ZFAT: variants seen among roughly 807,000 people sequenced by gnomAD.
ZFAT encodes zinc finger and AT-hook domain containing.
ZFAT carries 64 observed loss-of-function variants against 117.7 expected under a neutral mutation model. The ratio of observed to expected loss-of-function variants is 0.54; its 90% CI spans 0.44 to 0.67. ZFAT has a LOEUF of 0.67. Ranked by LOEUF, ZFAT falls within the 30% of genes least tolerant of loss-of-function variation. The pLI, the probability that ZFAT is intolerant of heterozygous loss-of-function variation, is 0.00. For synonymous variants in ZFAT, 679 were observed against 615.0 expected, an observed-to-expected ratio of 1.10 and a Z score of -1.54; for missense variants, 1,433 against 1,584.5, an observed-to-expected ratio of 0.90 and a Z score of 1.62.
chr8:134,553,623 T>A lies in ZFAT; in HGVS notation c.2976+11710A>T, dbSNP rs761089618. On this transcript the variant is annotated intron_variant, in intron 11 of 15. Coordinates refer to ENST00000377838, the MANE Select transcript of ZFAT (RefSeq NM_020863.4). ...CAGGCACCAAGAATCTTAAACAAAG[T>A]CATGAAAGAAAGGAAGATTGTAGAG... Among the ~76,000 whole-genome samples, 49 of 151,862 alleles carry A rather than the reference T, an allele frequency of 3.2e-4. 1 individual carries two copies. The highest frequency in any genetic ancestry group is 2.7e-3 in the South Asian group (13 of 4,760).
chr8:134,813,801 TACACACACAC>T, the ZFAT span, among the ~76,000 whole-genome samples: 1,204 of 147,104 alleles, frequency 8.2e-3, 13 homozygotes, highest in African/African-American at 0.026. Flanking sequence ...TTTGATTTTA[TACACACACAC>T]ACACACACAC....
At chr8:134,786,229 C>T in the ZFAT span, among the ~76,000 whole-genome samples, 2 of 152,098 alleles carry the variant, frequency 1.3e-5, no homozygotes, top group African/African-American at 4.8e-5. Flanking sequence ...GTCTTTATGC[C>T]TATTATTTAT....
the ZFAT span, among the ~76,000 whole-genome samples, chr8:134,823,816 C>A: frequency 6.6e-6 from 1 of 152,166 alleles, no homozygotes; most frequent in Non-Finnish European, 1.5e-5. Flanking sequence ...CCATTAGAAT[C>A]TAATATAATT....
intron 11 of ZFAT, among the ~76,000 whole-genome samples, chr8:134,549,769 C>T (rs1474825150): frequency 1.3e-5 from 2 of 152,172 alleles, no homozygotes. Flanking sequence ...GATTGTGAAC[C>T]ACATGTACAC....
chr8:134,754,464 G>T, the ZFAT span, among the ~76,000 whole-genome samples: 3 of 152,216 alleles, frequency 2.0e-5, no homozygotes, highest in African/African-American at 7.2e-5. Context: ...TACAGCATGG[G>T]AATATAAACA....
the ZFAT span, among the ~76,000 whole-genome samples, chr8:134,764,129 T>C: frequency 1.3e-5 from 2 of 152,326 alleles, no homozygotes; most frequent in Admixed American, 1.3e-4. Context: ...TTGTCTGCCT[T>C]GGGGCAAAGA....
chr8:134,716,169 GCACA>G (rs535979165), upstream of ZFAT, among the ~76,000 whole-genome samples: 1 of 134,608 alleles, frequency 7.4e-6, no homozygotes, highest in African/African-American at 2.6e-5. Context: ...ATGTATATAT[GCACA>G]CACACACACA....
intron 11 of ZFAT, among the ~76,000 whole-genome samples, chr8:134,555,495 C>T (rs2130721921): frequency 6.6e-6 from 1 of 152,322 alleles, no homozygotes; most frequent in South Asian, 2.1e-4. Context: ...GCCAAGCCTG[C>T]TATATTAACT....
Position 134,610,595 on chromosome 8 carries a change from G to A in ZFAT, c.509C>T (p.Ser170Leu), listed in dbSNP as rs369995696. ...KCKEDDREKA[S>L]KRPRSQKTEK... ...TGTTTTCTGTGACCGTGGTCTTTTCGAGGCTTTTTCCCGATCATCTTCCTT... is the reference window on the plus strand; with the variant it reads ...TGTTTTCTGTGACCGTGGTCTTTTCAAGGCTTTTTCCCGATCATCTTCCTT... The change falls in exon 4 of 16, where the codon TCG becomes TTG. Residue 170 changes from serine to leucine, a missense_variant. Around this residue, in one of 5 missense-constraint regions of ZFAT, gnomAD observed 436 missense variants for 482.0 expected, o/e 0.90. Transcript: ENST00000377838. The A allele has an allele frequency of 1.7e-5, 28 of 1,614,070 alleles. No individual in the cohort carries two copies. Among genetic ancestry groups the A allele is most frequent in the Admixed American group, 6.7e-5 (4 of 59,998 alleles).
rs1015637762 is a variant in ZFAT, at chr8:134,592,413, T to C, written c.2476-2058A>G. Among the ~76,000 whole-genome samples, 15 of 152,224 alleles carry C rather than the reference T, an allele frequency of 9.9e-5. 2 individuals are homozygous for C. The highest frequency in any genetic ancestry group is 6.5e-4 in the Admixed American group (10 of 15,282). ...CAGAGCTCTTGCTCTTATGAGACCC[T>C]GACTAGCAGAACAGGTTCAGGGCTC... On this transcript the variant is annotated intron_variant, in intron 7 of 15. Transcript: ENST00000377838.
In ZFAT at chr8:134,602,278, G is replaced by T; in HGVS notation, c.1441C>A (p.His481Asn). The change falls in exon 6 of 16, where the codon CAC (histidine) becomes AAC (asparagine). Residue 481 changes from histidine to asparagine, a missense_variant. Around this residue, in one of 5 missense-constraint regions of ZFAT, gnomAD observed 372 missense variants for 355.6 expected, o/e 1.05. Transcript: ENST00000377838. The part of the protein sequence containing the change: ...IRLRTHIKEV[H>N]GAAQEALVFT... The stretch of plus-strand genomic sequence containing the variant: ...ACCAAGGCCTCCTGGGCAGCCCCGT[G>T]CACCTCTTTGATGTGGGTGCGCAGC... 1 of 1,613,900 alleles carries T rather than the reference G, an allele frequency of 6.2e-7. No individual in the cohort carries two copies. The highest frequency in any genetic ancestry group is 1.1e-5 in the South Asian group (1 of 91,088).
At chr8:134,680,962 T>A (rs1012887751) in intron 1 of ZFAT, among the ~76,000 whole-genome samples, 17 of 152,160 alleles carry the variant, frequency 1.1e-4, no homozygotes, top group Non-Finnish European at 2.5e-4. Context: ...AATACACATT[T>A]AAAAAAATAA....
At chr8:134,638,608 A>C (rs1324915943) in intron 2 of ZFAT, among the ~76,000 whole-genome samples, 9 of 150,402 alleles carry the variant, frequency 6.0e-5, no homozygotes, top group Admixed American at 6.6e-5. Flanking sequence ...GGGCACCTGT[A>C]GTCCCAGCTA....
At position 134,591,072 on chromosome 8, in the gene ZFAT, C is replaced by A. The variant is rs950896464; in HGVS notation, c.2476-717G>T. Among the ~76,000 whole-genome samples, 5 of 152,096 alleles carry A rather than the reference C, an allele frequency of 3.3e-5. No homozygotes were observed. In the South Asian group the frequency reaches 6.2e-4, roughly 19 times the overall value. ...CAGGTGGTACTCAACCTCAAGGCTG[C>A]GGGTCTACCACACACACCAGTGCTA... On this transcript the variant is annotated intron_variant, in intron 7 of 15. Coordinates refer to ENST00000377838, the MANE Select transcript of ZFAT (RefSeq NM_020863.4).
chr8:134,731,153 G>C, the ZFAT span, among the ~76,000 whole-genome samples: 2 of 152,174 alleles, frequency 1.3e-5, no homozygotes, highest in African/African-American at 4.8e-5. Flanking sequence ...ATGTGGGAGA[G>C]GTAATGGTGC....
chr8:134,720,775 A>C, the ZFAT span, among the ~76,000 whole-genome samples: 1 of 152,240 alleles, frequency 6.6e-6, no homozygotes, highest in Non-Finnish European at 1.5e-5. Context: ...CATACACTGT[A>C]GAGTTCAGAG....
At chr8:134,563,940 T>G (rs1322392299) in intron 11 of ZFAT, among the ~76,000 whole-genome samples, 1 of 151,968 alleles carries the variant, frequency 6.6e-6, no homozygotes, top group Non-Finnish European at 1.5e-5. Flanking sequence ...CAGGCACCAA[T>G]AAAAATATTT....
chr8:134,741,025 C>A, the ZFAT span, among the ~76,000 whole-genome samples: 1 of 152,130 alleles, frequency 6.6e-6, no homozygotes, highest in African/African-American at 2.4e-5. Flanking sequence ...AACCCAAGCC[C>A]TACAAAGGGT....
chr8:134,550,328 A>AC (rs1342186188), intron 11 of ZFAT, among the ~76,000 whole-genome samples: 17 of 151,712 alleles, frequency 1.1e-4, no homozygotes, highest in African/African-American at 4.1e-4. Flanking sequence ...AAAAAAAAAA[A>AC]AAAACAGCAC....
Sources: gnomAD v4.1 joint callset for allele counts (sites outside exome capture counted in the v4.1 genomes callset) on GRCh38, gnomAD v4.1.1 for gene constraint, gnomAD v4.1.1 regional missense constraint, MANE v1.5 for transcripts, NCBI Gene and HGNC (gene_info 2026-07-23, HGNC 2026-07-21) for gene names.